The following SPIRE1 variants were observed in gnomAD, a reference collection of about 807,000 sequenced individuals.
SPIRE1 encodes spire type actin nucleation factor 1.
In SPIRE1, 40 loss-of-function variants were observed where a neutral mutation model predicts 94.1. The ratio of observed to expected loss-of-function variants is 0.43; its 90% CI spans 0.33 to 0.55. SPIRE1 has a LOEUF of 0.55. Among genes scored for constraint, SPIRE1 ranks in the 20% least tolerant of loss-of-function variants. SPIRE1 has a pLI of 0.06. For missense variants in SPIRE1, 838 were observed against 975.2 expected (o/e 0.86, Z 1.87); for synonymous variants, 376 against 371.7 (o/e 1.01, Z -0.13).
rs558015443 is a variant in SPIRE1, at chr18:12,503,037, A to G, written c.972+3440T>C. On this transcript the variant is annotated intron_variant, in intron 6 of 16. Transcript: ENST00000409402. Reference sequence around the variant, plus strand: ...GGCAGGAGAATGGCGTGAACCCGGGAGGCGGAGCTTGCAGTGGGCCGAGAT... The same window carrying G: ...GGCAGGAGAATGGCGTGAACCCGGGGGGCGGAGCTTGCAGTGGGCCGAGAT... Among the ~76,000 whole-genome samples the G allele has an allele frequency of 4.3e-4, 65 of 151,292 alleles. No homozygotes were observed. In the Middle Eastern group the frequency reaches 0.017, roughly 40 times the overall value.
intron 2 of SPIRE1, among the ~76,000 whole-genome samples, chr18:12,609,240 T>C (rs9303772): frequency 0.56 from 85,061 of 151,990 alleles, 24,990 homozygotes; most frequent in Middle Eastern, 0.76. Context: ...TCTAAAGCAT[T>C]CAAACGGTAC....
chr18:12,461,618 T>C (rs1045480776), intron 12 of SPIRE1, among the ~76,000 whole-genome samples: 10 of 145,034 alleles, frequency 6.9e-5, no homozygotes, highest in Admixed American at 4.0e-4. Context: ...TACACACACA[T>C]ACACATATGT....
chr18:12,647,895 A>G (rs954650589), intron 1 of SPIRE1, among the ~76,000 whole-genome samples: 1 of 152,218 alleles, frequency 6.6e-6, no homozygotes, highest in Admixed American at 6.5e-5. Flanking sequence ...GGAAATATAT[A>G]AGATGATCCT....
intron 9 of SPIRE1, among the ~76,000 whole-genome samples, chr18:12,482,637 G>C (rs374676966): frequency 6.6e-6 from 1 of 152,148 alleles, no homozygotes; most frequent in Non-Finnish European, 1.5e-5. Flanking sequence ...CATATGAACT[G>C]AATTTTAGGG....
intron 1 of SPIRE1, among the ~76,000 whole-genome samples, chr18:12,649,013 C>A (rs749448879): frequency 1.3e-4 from 19 of 151,476 alleles, no homozygotes; most frequent in Admixed American, 2.6e-4. Context: ...GACAAATATA[C>A]CACAAGAATA....
chr18:12,657,737 C>G lies in SPIRE1; in HGVS notation c.130G>C (p.Glu44Gln). Residue 44 changes from glutamate to glutamine, a missense_variant, in exon 1 of 17, where the codon GAG becomes CAG. Glu to Gln is a conservative substitution (Grantham distance 29). Coordinates refer to ENST00000409402, the MANE Select transcript of SPIRE1 (RefSeq NM_001128626.2). ...GGCTGGTTGTACAGCCGCAGGATCT[C>G]CTCCAGGCTCAGCGCGTCCCGGGAG... is the stretch of plus-strand genomic sequence containing the variant. ...GGSRDALSLE[E>Q]ILRLYNQPIN... is the part of the protein sequence containing the mutation. 3.6e-6 allele frequency: 5 copies of G among 1,385,322 alleles called. No individual in the cohort carries two copies. Among genetic ancestry groups the G allele is most frequent in the Non-Finnish European group, 4.7e-6 (5 of 1,060,150 alleles). 85.8% of individuals were successfully genotyped at this position (1,385,322 alleles called of 1,614,324 possible).
rs113799905 is a variant in SPIRE1 at position 12,521,768 on chromosome 18, AT to A, written c.730-9238del. ...ATTTTGGTAATTCTCACAATATTCC[AT>A]TTTTTTTTTATTAAATCTGTTATGG... On this transcript the variant is annotated intron_variant, in intron 4 of 16. Coordinates refer to ENST00000409402, the MANE Select transcript of SPIRE1 (RefSeq NM_001128626.2). 4.1e-3 allele frequency among the ~76,000 whole-genome samples: 617 copies of A among 149,482 alleles called. 2 individuals are homozygous for A. The highest frequency in any genetic ancestry group is 0.013 in the African/African-American group (513 of 40,826).
intron 4 of SPIRE1, among the ~76,000 whole-genome samples, chr18:12,519,408 C>CAGCTGGACTGACTCCGCTCTACAT (rs2034296252): frequency 6.6e-6 from 1 of 152,088 alleles, no homozygotes; most frequent in African/African-American, 2.4e-5. Flanking sequence ...CTGCTCTATA[C>CAGCTGGACTGACTCCGCTCTACAT]AGCTGGACTG....
At chr18:12,458,541 G>A (rs1051005367) in intron 12 of SPIRE1, among the ~76,000 whole-genome samples, 1 of 152,070 alleles carries the variant, frequency 6.6e-6, no homozygotes, top group African/African-American at 2.4e-5. Flanking sequence ...GTGAACCCAG[G>A]AGGCGGAGCT....
intron 2 of SPIRE1, among the ~76,000 whole-genome samples, chr18:12,602,815 T>C (rs1325974742): frequency 6.6e-6 from 1 of 152,174 alleles, no homozygotes; most frequent in Non-Finnish European, 1.5e-5. Context: ...TGCTCAGGGA[T>C]TGGATCTATA....
At chr18:12,588,171 A>G (rs2036438345) in intron 2 of SPIRE1, among the ~76,000 whole-genome samples, 1 of 152,324 alleles carries the variant, frequency 6.6e-6, no homozygotes, top group East Asian at 1.9e-4. Context: ...TTGTCAAATA[A>G]TATTCTGTTG....
chr18:12,510,783 G>A (rs890238532), intron 5 of SPIRE1, among the ~76,000 whole-genome samples: 1 of 151,788 alleles, frequency 6.6e-6, no homozygotes, highest in African/African-American at 2.4e-5. Context: ...CAGGTGATCC[G>A]CCCACCTCAG....
chr18:12,498,615 A>G (rs1317159192), intron 6 of SPIRE1, among the ~76,000 whole-genome samples: 1 of 151,986 alleles, frequency 6.6e-6, no homozygotes, highest in Non-Finnish European at 1.5e-5. Context: ...CCTGTACTCA[A>G]TCTTGTTTCT....
intron 2 of SPIRE1, among the ~76,000 whole-genome samples, chr18:12,603,631 G>A (rs1318784138): frequency 6.6e-6 from 1 of 150,616 alleles, no homozygotes; most frequent in Non-Finnish European, 1.5e-5. Context: ...CTGCAGTGCA[G>A]TGGTGCAATC....
chr18:12,626,438 C>T (rs1185622480), intron 2 of SPIRE1, among the ~76,000 whole-genome samples: 2 of 152,182 alleles, frequency 1.3e-5, no homozygotes, highest in Non-Finnish European at 2.9e-5. Flanking sequence ...TCCTACAGTA[C>T]AGACCCTGTC....
chr18:12,541,496 T>C (rs1475502768), intron 3 of SPIRE1, among the ~76,000 whole-genome samples: 1 of 152,234 alleles, frequency 6.6e-6, no homozygotes, highest in Non-Finnish European at 1.5e-5. Flanking sequence ...ACAGGCTATG[T>C]TACTAGGTGC....
chr18:12,602,066 C>T (rs1296602511), intron 2 of SPIRE1, among the ~76,000 whole-genome samples: 1 of 152,072 alleles, frequency 6.6e-6, no homozygotes, highest in East Asian at 1.9e-4. Context: ...ACAGTGTGTG[C>T]GCATGTCTGC....
chr18:12,565,848 A>C (rs974704085), intron 2 of SPIRE1, among the ~76,000 whole-genome samples: 2 of 151,330 alleles, frequency 1.3e-5, no homozygotes, highest in Admixed American at 1.3e-4. Context: ...AGCCTGGCCA[A>C]TATGGTGAAA....
At chr18:12,597,975 C>T (rs909628571) in intron 2 of SPIRE1, among the ~76,000 whole-genome samples, 8 of 152,158 alleles carry the variant, frequency 5.3e-5, no homozygotes, top group African/African-American at 1.9e-4. Flanking sequence ...ACTGCATTGG[C>T]CAGGGACGCA....
Sources: allele counts gnomAD v4.1 joint callset (sites outside exome capture counted in the v4.1 genomes callset), GRCh38; gene constraint gnomAD v4.1.1; transcripts MANE v1.5; gene names NCBI Gene and HGNC (gene_info 2026-07-23, HGNC 2026-07-21).